The following HCN1 variants were observed in gnomAD, a reference collection of about 807,000 sequenced individuals.
The protein encoded by HCN1 is potassium/sodium hyperpolarization-activated cyclic nucleotide-gated channel 1.
Under a neutral mutation model 78.9 loss-of-function variants are expected in HCN1, and 13 were observed. The observed-to-expected ratio is 0.16, with a 90% confidence interval of 0.11 to 0.26. The LOEUF (loss-of-function observed/expected upper bound fraction) is 0.26, where lower values mean the gene tolerates loss of function less well. Among genes scored for constraint, HCN1 ranks in the 10% least tolerant of loss-of-function variants. The probability of loss-of-function intolerance (pLI) is 1.00; values close to 1 mark genes in which losing one functional copy is unlikely to be tolerated. For synonymous variants in HCN1, 552 were observed against 455.5 expected (o/e 1.21, Z -2.70); for missense variants, 810 against 1,154.3 (o/e 0.70, Z 4.32).
intron 2 of HCN1, among the ~76,000 whole-genome samples, chr5:45,604,127 T>C (rs1450979276): frequency 6.6e-6 from 1 of 152,106 alleles, no homozygotes; most frequent in African/African-American, 2.4e-5. Flanking sequence ...CCAGACAGAA[T>C]TGACAGAATG....
chr5:45,518,085 G>T (rs1402026138), intron 2 of HCN1, among the ~76,000 whole-genome samples: 1 of 151,980 alleles, frequency 6.6e-6, no homozygotes, highest in Non-Finnish European at 1.5e-5. Flanking sequence ...ACAGCTAAAA[G>T]GTGCAAAGTG....
chr5:45,341,113 C>T (rs1346674959), intron 5 of HCN1, among the ~76,000 whole-genome samples: 1 of 152,108 alleles, frequency 6.6e-6, no homozygotes. Flanking sequence ...GTAAAGAATG[C>T]TTCACAGAAA....
chr5:45,528,534 C>T (rs1014984138), intron 2 of HCN1, among the ~76,000 whole-genome samples: 2 of 151,888 alleles, frequency 1.3e-5, no homozygotes, highest in Non-Finnish European at 2.9e-5. Context: ...GAGGGAAAAG[C>T]AGACCTCATT....
At chr5:45,438,577 G>A (rs1409005391) in intron 3 of HCN1, among the ~76,000 whole-genome samples, 7 of 145,468 alleles carry the variant, frequency 4.8e-5, no homozygotes, top group Admixed American at 3.5e-4. Flanking sequence ...GCCACAGAGC[G>A]AGACTCCGTC....
intron 2 of HCN1, chr5:45,576,162 A>T: frequency 6.6e-6 from 1 of 152,130 alleles, no homozygotes; most frequent in East Asian, 1.9e-4. Context: ...AACTAGAATT[A>T]GAAGTGGCGC....
intron 2 of HCN1, among the ~76,000 whole-genome samples, chr5:45,576,810 C>A (rs1743956479): frequency 6.6e-6 from 1 of 151,982 alleles, no homozygotes; most frequent in African/African-American, 2.4e-5. Flanking sequence ...GGAACCAAAC[C>A]AGCAGTATTT....
chr5:45,416,923 T>A (rs1408806333), intron 3 of HCN1, among the ~76,000 whole-genome samples: 2 of 152,014 alleles, frequency 1.3e-5, no homozygotes, highest in Non-Finnish European at 2.9e-5. Context: ...TTTCTGTTTT[T>A]AAGTCTTAGT....
At chr5:45,346,684 C>T (rs1579827883) in intron 5 of HCN1, among the ~76,000 whole-genome samples, 1 of 152,174 alleles carries the variant, frequency 6.6e-6, no homozygotes, top group African/African-American at 2.4e-5. Flanking sequence ...TTCTGATGGG[C>T]TTAAAAACCG....
intron 4 of HCN1, among the ~76,000 whole-genome samples, chr5:45,372,987 A>G (rs921173323): frequency 7.1e-6 from 1 of 140,006 alleles, no homozygotes; most frequent in Non-Finnish European, 1.5e-5. Flanking sequence ...AATAAAAAAT[A>G]ATATATAAAA....
chr5:45,640,860 A>G (rs1272326325), intron 2 of HCN1, among the ~76,000 whole-genome samples: 12 of 127,852 alleles, frequency 9.4e-5, no homozygotes, highest in Non-Finnish European at 1.4e-4. Context: ...GAGTGATAGA[A>G]AAAAAAAAAA....
intron 5 of HCN1, among the ~76,000 whole-genome samples, chr5:45,329,344 A>G (rs1746300749): frequency 6.6e-6 from 1 of 151,476 alleles, no homozygotes; most frequent in Non-Finnish European, 1.5e-5. Context: ...CCTCTTATAA[A>G]TGGAATTACA....
At chr5:45,491,572 TG>T (rs1189885537) in intron 2 of HCN1, among the ~76,000 whole-genome samples, 1 of 152,238 alleles carries the variant, frequency 6.6e-6, no homozygotes, top group African/African-American at 2.4e-5. Flanking sequence ...TGAACTTTTT[TG>T]ATTTCCTGTA....
At chr5:45,326,544 T>A (rs1048776087) in intron 5 of HCN1, among the ~76,000 whole-genome samples, 2 of 151,616 alleles carry the variant, frequency 1.3e-5, no homozygotes, top group African/African-American at 2.4e-5. Context: ...ATGGCAAACT[T>A]TAGCATTTTT....
intron 3 of HCN1, among the ~76,000 whole-genome samples, chr5:45,397,747 T>A (rs1236421387): frequency 1.3e-5 from 2 of 151,612 alleles, no homozygotes; most frequent in African/African-American, 4.8e-5. Flanking sequence ...TTACAAATTT[T>A]AAAAATCAAT....
chr5:45,288,858 C>A (rs550310072), intron 6 of HCN1, among the ~76,000 whole-genome samples: 1 of 152,040 alleles, frequency 6.6e-6, no homozygotes, highest in African/African-American at 2.4e-5. Context: ...GAATAAAAAG[C>A]TTCTGTTATT....
intron 3 of HCN1, among the ~76,000 whole-genome samples, chr5:45,408,601 A>T (rs540620161): frequency 8.5e-5 from 13 of 152,230 alleles, no homozygotes; most frequent in African/African-American, 2.4e-4. Context: ...TACTTCTCAG[A>T]GTGTTTCTTC....
intron 4 of HCN1, among the ~76,000 whole-genome samples, chr5:45,372,202 A>AC (rs1475393517): frequency 3.1e-4 from 18 of 57,994 alleles, no homozygotes; most frequent in South Asian, 5.0e-4. Context: ...TTAATATAAT[A>AC]CATATTATAT....
intron 5 of HCN1, among the ~76,000 whole-genome samples, chr5:45,345,660 T>A (rs1429742091): frequency 6.6e-6 from 1 of 152,202 alleles, no homozygotes; most frequent in East Asian, 1.9e-4. Flanking sequence ...AAGATCCTCA[T>A]CTCCATCTGA....
chr5:45,653,325 G>A (rs750527984), intron 1 of HCN1, among the ~76,000 whole-genome samples: 28 of 151,916 alleles, frequency 1.8e-4, no homozygotes, highest in Non-Finnish European at 3.2e-4. Flanking sequence ...AATGCCTATC[G>A]TAATTTCTCT....
Sources: gnomAD v4.1 joint callset for allele counts (sites outside exome capture counted in the v4.1 genomes callset) on GRCh38, gnomAD v4.1.1 for gene constraint, MANE v1.5 for transcripts, NCBI Gene and HGNC (gene_info 2026-07-23, HGNC 2026-07-21) for gene names.